The following APBB2 variants were observed in gnomAD, a reference collection of about 807,000 sequenced individuals.
The protein encoded by APBB2 is Fe65-like 1.
In APBB2, 38 loss-of-function variants were observed where a neutral mutation model predicts 82.5. The observed-to-expected ratio is 0.46, with a 90% CI of 0.36 to 0.60. The LOEUF is 0.60. Ranked by LOEUF, APBB2 falls within the 20% of genes least tolerant of loss-of-function variation. The probability of loss-of-function intolerance (pLI) is 0.00; values close to 1 mark genes in which losing one functional copy is unlikely to be tolerated. For synonymous variants in APBB2, 341 were observed against 368.2 expected (o/e 0.93, Z 0.85); for missense variants, 772 against 972.3 (o/e 0.79, Z 2.74).
At chr4:40,979,542 T>C (rs958729453) in intron 6 of APBB2, among the ~76,000 whole-genome samples, 1 of 152,258 alleles carries the variant, frequency 6.6e-6, no homozygotes, top group African/African-American at 2.4e-5. Flanking sequence ...AAAGAGACTA[T>C]TCTGTATTCT....
chr4:40,992,857 G>A (rs528222434), intron 6 of APBB2, among the ~76,000 whole-genome samples: 8 of 152,242 alleles, frequency 5.3e-5, no homozygotes, highest in South Asian at 4.1e-4. Context: ...GAGATAGGCC[G>A]GCCTGCCATG....
At chr4:40,882,791 G>A (rs892499945) in intron 12 of APBB2, among the ~76,000 whole-genome samples, 2 of 152,202 alleles carry the variant, frequency 1.3e-5, no homozygotes, top group African/African-American at 4.8e-5. Context: ...AACAGGCCGT[G>A]GGGGTGAGAA....
At chr4:40,936,783 C>T (rs1785476238) in intron 7 of APBB2, among the ~76,000 whole-genome samples, 1 of 152,104 alleles carries the variant, frequency 6.6e-6, no homozygotes, top group Non-Finnish European at 1.5e-5. Context: ...CTTACCTTTC[C>T]CCTCACTCTA....
intron 6 of APBB2, among the ~76,000 whole-genome samples, chr4:41,006,527 G>C (rs990559690): frequency 2.7e-5 from 4 of 148,958 alleles, no homozygotes; most frequent in African/African-American, 9.9e-5. Flanking sequence ...GTAATGGTGT[G>C]ATCTCGGCTC....
At chr4:40,887,684 C>T (rs1242873831) in intron 12 of APBB2, among the ~76,000 whole-genome samples, 1 of 152,080 alleles carries the variant, frequency 6.6e-6, no homozygotes, top group Non-Finnish European at 1.5e-5. Context: ...TAAAATTTAC[C>T]GTTTCCATGC....
Position 40,832,555 on chromosome 4 carries a change from ACCT to A in APBB2, c.1530-1981_1530-1979del, listed in dbSNP as rs1752397281. On this transcript the variant is annotated intron_variant, in intron 12 of 17. Coordinates refer to ENST00000508593, the MANE Select transcript of APBB2 (RefSeq NM_004307.2). This position sits in a 1 kb window ranked among gnomAD's most constrained non-coding sequence, Gnocchi z 4.8. Reference sequence around the variant, plus strand: ...CCAATCCCCACATTCGTCCTGTTTCACCTCCTGGAAATTTCTGGCATCCATCCC... The same window carrying A: ...CCAATCCCCACATTCGTCCTGTTTCACCTGGAAATTTCTGGCATCCATCCC... Among the ~76,000 whole-genome samples, 1 of 151,494 alleles carries A rather than the reference ACCT, an allele frequency of 6.6e-6. No individual in the cohort carries two copies. The highest frequency in any genetic ancestry group is 1.5e-5 in the Non-Finnish European group (1 of 67,894).
chr4:40,966,264 C>T (rs1217935726), intron 6 of APBB2, among the ~76,000 whole-genome samples: 2 of 152,160 alleles, frequency 1.3e-5, no homozygotes, highest in Non-Finnish European at 2.9e-5. Flanking sequence ...GCACGAACTG[C>T]TATGTAGTAA....
intron 1 of APBB2, among the ~76,000 whole-genome samples, chr4:41,149,881 A>T (rs1761792170): frequency 6.6e-6 from 1 of 152,136 alleles, no homozygotes; most frequent in Non-Finnish European, 1.5e-5. Context: ...CTCTTTCCTG[A>T]CACCATGTAA....
intron 13 of APBB2, among the ~76,000 whole-genome samples, 193 bp downstream of exon 13, chr4:40,830,270 G>A (rs892738859): frequency 6.6e-6 from 1 of 152,038 alleles, no homozygotes; most frequent in Non-Finnish European, 1.5e-5. Context: ...TTCATTTTGT[G>A]TAGATGGAGT....
intron 5 of APBB2, among the ~76,000 whole-genome samples, chr4:41,028,161 C>G (rs1417205196): frequency 6.6e-6 from 1 of 152,250 alleles, no homozygotes; most frequent in Non-Finnish European, 1.5e-5. Context: ...TTTTTGTGCA[C>G]TACTCCATGC....
At chr4:41,161,428 G>A (rs116040776) in intron 1 of APBB2, among the ~76,000 whole-genome samples, 7,674 of 152,116 alleles carry the variant, frequency 0.05, 273 homozygotes, top group Non-Finnish European at 0.072. Flanking sequence ...GCAAGATGGC[G>A]AAACTCTTCT....
Position 40,848,802 on chromosome 4 carries a change from C to G in APBB2, c.1530-18225G>C, listed in dbSNP as rs1758428697. The G allele has an allele frequency of 5.2e-6, 5 of 958,036 alleles. No individual in the cohort carries two copies. The African/African-American group carries it at 8.9e-5, about 17-fold the overall frequency. 59.3% of individuals were successfully genotyped at this position (958,036 alleles called of 1,614,324 possible). A position where few individuals can be genotyped will look rare whatever the true frequency, so the allele number is the denominator to read the frequency against. ...CCCGCCCCTGCCTGGGCTTGCTGATCGGCTGCTTGGTCTGCTTTTCCCCCA... is the reference window on the plus strand; with the variant it reads ...CCCGCCCCTGCCTGGGCTTGCTGATGGGCTGCTTGGTCTGCTTTTCCCCCA... On this transcript the variant is annotated intron_variant, in intron 12 of 17. Coordinates refer to ENST00000508593, the MANE Select transcript of APBB2 (RefSeq NM_004307.2).
At position 40,812,965 on chromosome 4, in the gene APBB2, G is replaced by A. The variant is rs944976068; in HGVS notation, c.*3127C>T. 6.6e-6 allele frequency: 1 copy of A among 152,196 alleles called. No homozygotes were observed. Among genetic ancestry groups the A allele is most frequent in the Non-Finnish European group, 1.5e-5 (1 of 68,042 alleles). The allele number at this position is 152,196 out of a possible 1,614,324, so 9.4% of individuals were successfully genotyped here. On this transcript the variant is annotated 3_prime_UTR_variant, in exon 18 of 18. Coordinates refer to ENST00000508593, the MANE Select transcript of APBB2 (RefSeq NM_004307.2). Reference sequence around the variant, plus strand: ...CACATGTTGTGAAGGGTAGAAAAACGAAGCACCAAGCAGTGCTTTAGTCTG... The same window carrying A: ...CACATGTTGTGAAGGGTAGAAAAACAAAGCACCAAGCAGTGCTTTAGTCTG...
At chr4:41,067,286 G>A (rs1732238063) in intron 3 of APBB2, among the ~76,000 whole-genome samples, 1 of 152,088 alleles carries the variant, frequency 6.6e-6, no homozygotes, top group South Asian at 2.1e-4. Flanking sequence ...GTACATGCCT[G>A]TAATCCCAGC....
rs117161539 is a variant in APBB2, at chr4:41,006,712, C to T, written c.835+6871G>A. Among the ~76,000 whole-genome samples, 308 of 152,284 alleles carry T rather than the reference C, an allele frequency of 2.0e-3. 2 individuals carry two copies. The East Asian group carries it at 0.033, about 16-fold the overall frequency. ...AACTCCTGAGCTCAGGTGATCCAAC[C>T]TCCTCGGCCTCCGAAAGTGCTGGGA... On this transcript the variant is annotated intron_variant, in intron 6 of 17. Transcript: ENST00000508593.
chr4:40,920,161 G>A (rs1331317720), intron 10 of APBB2, among the ~76,000 whole-genome samples: 1 of 152,102 alleles, frequency 6.6e-6, no homozygotes, highest in African/African-American at 2.4e-5. Context: ...GAATCATGGG[G>A]GCGGATCTTT....
At chr4:40,961,500 G>T (rs1303899099) in intron 6 of APBB2, among the ~76,000 whole-genome samples, 1 of 98,054 alleles carries the variant, frequency 1.0e-5, no homozygotes, top group Non-Finnish European at 2.0e-5. Context: ...GTTGTGGGGT[G>T]GGGGGAGGGG....
At chr4:40,930,464 C>T (rs1328675155) in intron 10 of APBB2, among the ~76,000 whole-genome samples, 7 of 133,018 alleles carry the variant, frequency 5.3e-5, no homozygotes, top group Non-Finnish European at 7.7e-5. Context: ...CGCGCGCGCG[C>T]GCGTGCGCGT....
intron 6 of APBB2, among the ~76,000 whole-genome samples, chr4:40,971,497 G>A (rs918919977): frequency 2.0e-5 from 3 of 152,142 alleles, no homozygotes; most frequent in African/African-American, 7.2e-5. Flanking sequence ...AGCTTTCTCT[G>A]GGAAAATGGT....
Sources: allele counts gnomAD v4.1 joint callset (sites outside exome capture counted in the v4.1 genomes callset), GRCh38; gene constraint gnomAD v4.1.1; non-coding constraint Gnocchi (gnomAD v3.1); transcripts MANE v1.5; gene names NCBI Gene and HGNC (gene_info 2026-07-23, HGNC 2026-07-21).